The following KCTD8 variants were observed in gnomAD, a reference collection of about 807,000 sequenced individuals.
The protein encoded by KCTD8 is BTB/POZ domain-containing protein KCTD8.
KCTD8 carries 27 observed loss-of-function variants against 31.5 expected under a neutral mutation model. The observed-to-expected ratio is 0.86, with a 90% CI of 0.63 to 1.18. The LOEUF (loss-of-function observed/expected upper bound fraction) is 1.18. KCTD8 is among the 50% of genes most tolerant of loss of function. KCTD8 has a pLI of 0.00. For synonymous variants in KCTD8, 290 were observed against 280.0 expected (o/e 1.04, Z -0.36); for missense variants, 658 against 647.7 (o/e 1.02, Z -0.17).
At chr4:44,175,620 T>C (rs1560386134) in intron 1 of KCTD8, among the ~76,000 whole-genome samples, 1 of 152,222 alleles carries the variant, frequency 6.6e-6, no homozygotes, top group African/African-American at 2.4e-5. Context: ...ATCTGTTTTG[T>C]TAGACACTTA....
rs534697133 is a variant in KCTD8 at position 44,365,565 on chromosome 4, AG to A, written c.961+81997del. 5.9e-5 allele frequency among the ~76,000 whole-genome samples: 9 copies of A among 152,310 alleles called. No homozygotes were observed. In the East Asian group the frequency reaches 1.3e-3, roughly 23 times the overall value. ...AACAAGGTAAATGAAAACAGTCAAA[AG>A]GTATCACCTGTAACCTTTTCTAAAG... On this transcript the variant is annotated intron_variant, in intron 1 of 1. Transcript: ENST00000360029.
At chr4:44,417,131 C>T (rs1721095211) in intron 1 of KCTD8, among the ~76,000 whole-genome samples, 1 of 152,172 alleles carries the variant, frequency 6.6e-6, no homozygotes, top group South Asian at 2.1e-4. Context: ...CTTCAAAGCC[C>T]AGAGTTCTAA....
At chr4:44,397,883 G>A (rs915100556) in intron 1 of KCTD8, among the ~76,000 whole-genome samples, 1 of 151,952 alleles carries the variant, frequency 6.6e-6, no homozygotes, top group Non-Finnish European at 1.5e-5. Context: ...CTAAAAAATT[G>A]ATTTTTTTGT....
intron 1 of KCTD8, among the ~76,000 whole-genome samples, chr4:44,404,222 A>C (rs1436032928): frequency 6.6e-6 from 1 of 152,252 alleles, no homozygotes; most frequent in Non-Finnish European, 1.5e-5. Context: ...ATTGTCATAT[A>C]TGGCAGCCAG....
In KCTD8 at chr4:44,323,300, C is replaced by G. The variant is rs183182229; in HGVS notation, c.961+124263G>C. On this transcript the variant is annotated intron_variant, in intron 1 of 1. Transcript: ENST00000360029. ...CCTGAGGTCAGGAGTTCGAGACCAGCCTGGCCAACATGGTGAAGCCCTCCC... is the reference window on the plus strand; with the variant it reads ...CCTGAGGTCAGGAGTTCGAGACCAGGCTGGCCAACATGGTGAAGCCCTCCC... 3.1e-3 allele frequency among the ~76,000 whole-genome samples: 464 copies of G among 151,948 alleles called. 3 individuals carry two copies. The highest frequency in any genetic ancestry group is 4.8e-3 in the Non-Finnish European group (326 of 67,990).
intron 1 of KCTD8, among the ~76,000 whole-genome samples, chr4:44,387,236 A>G (rs1001298919): frequency 1.3e-5 from 2 of 151,724 alleles, no homozygotes; most frequent in Non-Finnish European, 3.0e-5. Context: ...ACACAAACAA[A>G]TAAAAAAAAT....
At position 44,357,905 on chromosome 4, in the gene KCTD8, A is replaced by ATT. The variant is rs1560434983; in HGVS notation, c.961+89657_961+89658insAA. On this transcript the variant is annotated intron_variant, in intron 1 of 1. Coordinates refer to ENST00000360029, the MANE Select transcript of KCTD8 (RefSeq NM_198353.3). ...AATATTCTTTTATTATTATTATTAT[A>ATT]ATTATTATTATACTTTAAGTTCTGG... Among the ~76,000 whole-genome samples, 241 of 151,264 alleles carry ATT rather than the reference A, an allele frequency of 1.6e-3. 4 individuals carry two copies. Among genetic ancestry groups the ATT allele is most frequent in the African/African-American group, 4.9e-3 (204 of 41,240 alleles).
intron 1 of KCTD8, among the ~76,000 whole-genome samples, chr4:44,380,423 A>T (rs537862805): frequency 6.6e-6 from 1 of 151,870 alleles, no homozygotes; most frequent in East Asian, 1.9e-4. Flanking sequence ...ATCTCAAAAA[A>T]AAAAAAAAAT....
chr4:44,305,436 T>C (rs983498205), intron 1 of KCTD8, among the ~76,000 whole-genome samples: 1 of 151,742 alleles, frequency 6.6e-6, no homozygotes. Flanking sequence ...AAGATGCAGC[T>C]ATATTTATAT....
At chr4:44,177,960 G>A (rs115125924) in intron 1 of KCTD8, among the ~76,000 whole-genome samples, 4,840 of 152,228 alleles carry the variant, frequency 0.032, 139 homozygotes, top group Non-Finnish European at 0.044. Context: ...GCCACCAGCC[G>A]TCTTTTCCAT....
intron 1 of KCTD8, among the ~76,000 whole-genome samples, chr4:44,409,731 T>A (rs1246216110): frequency 1.3e-5 from 2 of 151,948 alleles, no homozygotes; most frequent in Non-Finnish European, 2.9e-5. Context: ...AGCTTTTGCA[T>A]CTTTCCTATT....
chr4:44,341,813 T>G (rs1474387450), intron 1 of KCTD8, among the ~76,000 whole-genome samples: 1 of 152,140 alleles, frequency 6.6e-6, no homozygotes, highest in African/African-American at 2.4e-5. Context: ...TTTGACTCCC[T>G]CCCAAGACAC....
chr4:44,421,547 C>T (rs1432062878), intron 1 of KCTD8, among the ~76,000 whole-genome samples: 1 of 152,080 alleles, frequency 6.6e-6, no homozygotes, highest in Admixed American at 6.6e-5. Context: ...TCTGGGCTTT[C>T]TCATATCCTC....
chr4:44,275,562 G>C (rs1292586706), intron 1 of KCTD8, among the ~76,000 whole-genome samples: 1 of 151,962 alleles, frequency 6.6e-6, no homozygotes, highest in African/African-American at 2.4e-5. Flanking sequence ...ACTGACTTCA[G>C]GCTTACATAT....
At chr4:44,400,706 G>C (rs1474176708) in intron 1 of KCTD8, among the ~76,000 whole-genome samples, 1 of 147,186 alleles carries the variant, frequency 6.8e-6, no homozygotes, top group Non-Finnish European at 1.5e-5. Flanking sequence ...TCCAGCCTGG[G>C]GGACAGAATG....
At position 44,175,006 on chromosome 4, in the gene KCTD8, G is replaced by C; in HGVS notation, c.1206C>G (p.Pro402=). The C allele has an allele frequency of 6.2e-7, 1 of 1,614,086 alleles. No homozygotes were observed. The highest frequency in any genetic ancestry group is 1.1e-5 in the South Asian group (1 of 91,084). The change falls in exon 2 of 2, where the codon CCC becomes CCG. Residue 402 remains proline (P), a synonymous_variant. Transcript: ENST00000360029. ...CACTGTTTCTGCGTTTGTCTGGTGG[G>C]GGTATCCATTGTACAGGTGCTTTTT... ...PSKKAPVQWI[P]PPDKRRNSEL... is the part of the protein sequence containing the mutation.
chr4:44,275,304 G>A (rs763914559), intron 1 of KCTD8, among the ~76,000 whole-genome samples: 13 of 151,990 alleles, frequency 8.6e-5, no homozygotes, highest in Non-Finnish European at 1.3e-4. Flanking sequence ...TCATCTTTAT[G>A]AGAAAATACT....
intron 1 of KCTD8, among the ~76,000 whole-genome samples, chr4:44,274,379 C>T (rs939096839): frequency 6.6e-6 from 1 of 151,764 alleles, no homozygotes; most frequent in Admixed American, 6.6e-5. Flanking sequence ...TTTGCCATTA[C>T]TTTTAATGCA....
At chr4:44,390,143 AG>A (rs1720331339) in intron 1 of KCTD8, among the ~76,000 whole-genome samples, 1 of 151,904 alleles carries the variant, frequency 6.6e-6, no homozygotes, top group Admixed American at 6.6e-5. Flanking sequence ...AGTTTAATTA[AG>A]TCCCATCTAT....
Sources: gnomAD v4.1 joint callset for allele counts (sites outside exome capture counted in the v4.1 genomes callset) on GRCh38, gnomAD v4.1.1 for gene constraint, MANE v1.5 for transcripts, NCBI Gene and HGNC (gene_info 2026-07-23, HGNC 2026-07-21) for gene names.